The following CRIM1 variants were observed in gnomAD, a reference collection of about 807,000 sequenced individuals.
CRIM1 encodes the protein cysteine rich transmembrane BMP regulator 1, also known as cysteine-rich motor neuron 1 protein.
Under a neutral mutation model 116.4 loss-of-function variants are expected in CRIM1, and 32 were observed. The observed-to-expected ratio is 0.27, with a 90% CI of 0.21 to 0.37. The LOEUF (loss-of-function observed/expected upper bound fraction) is 0.37. Ranked by LOEUF, CRIM1 falls within the 10% of genes least tolerant of loss-of-function variation. CRIM1 has a pLI of 1.00. For synonymous variants in CRIM1, 590 were observed against 509.2 expected (o/e 1.16, Z -2.13); for missense variants, 1,331 against 1,354.8 (o/e 0.98, Z 0.28).
At chr2:36,507,807 G>C (rs909939497) in intron 8 of CRIM1, among the ~76,000 whole-genome samples, 12 of 152,180 alleles carry the variant, frequency 7.9e-5, no homozygotes, top group Non-Finnish European at 1.6e-4. Flanking sequence ...TCAAGATCAA[G>C]GTCTGTGGAA....
At chr2:36,369,719 T>C (rs1371201241) in intron 1 of CRIM1, among the ~76,000 whole-genome samples, 2 of 152,226 alleles carry the variant, frequency 1.3e-5, no homozygotes, top group African/African-American at 4.8e-5. Context: ...CAAGGATCTG[T>C]ACAAGATTGT....
intron 9 of CRIM1, among the ~76,000 whole-genome samples, chr2:36,510,615 G>A (rs892819751): frequency 7.9e-5 from 12 of 152,050 alleles, no homozygotes; most frequent in African/African-American, 2.4e-4. Context: ...ACTAGTCAGC[G>A]TTTCGTATTT....
chr2:36,406,004 G>A (rs530364071), intron 2 of CRIM1, among the ~76,000 whole-genome samples: 2 of 152,226 alleles, frequency 1.3e-5, no homozygotes, highest in Admixed American at 1.3e-4. Flanking sequence ...TTACAAATAT[G>A]TCTAAAACTT....
At chr2:36,397,950 CA>C (rs1235641215) in intron 2 of CRIM1, among the ~76,000 whole-genome samples, 55 of 152,142 alleles carry the variant, frequency 3.6e-4, no homozygotes, top group Non-Finnish European at 6.5e-4. Flanking sequence ...GTACTAATCA[CA>C]CCAAGTATTC....
intron 7 of CRIM1, among the ~76,000 whole-genome samples, chr2:36,486,034 T>G (rs962474889): frequency 2.0e-5 from 3 of 152,200 alleles, no homozygotes; most frequent in Non-Finnish European, 2.9e-5. Flanking sequence ...ACATCAGAAA[T>G]TTTTCAATGT....
intron 4 of CRIM1, among the ~76,000 whole-genome samples, chr2:36,450,789 C>A (rs1676653888): frequency 6.6e-6 from 1 of 152,198 alleles, no homozygotes; most frequent in African/African-American, 2.4e-5. Context: ...TAAATATTTG[C>A]ACCAAGCTGC....
chr2:36,489,729 G>C (rs780573917), intron 7 of CRIM1, among the ~76,000 whole-genome samples: 1 of 152,170 alleles, frequency 6.6e-6, no homozygotes, highest in African/African-American at 2.4e-5. Flanking sequence ...CACTGGCAAA[G>C]ATAAAAAGTA....
intron 2 of CRIM1, among the ~76,000 whole-genome samples, chr2:36,401,953 C>A (rs1208936433): frequency 6.6e-6 from 1 of 151,248 alleles, no homozygotes; most frequent in Non-Finnish European, 1.5e-5. Flanking sequence ...GGAACTCTAG[C>A]ATGGAGACAC....
At chr2:36,477,675 T>C (rs1243863070) in intron 6 of CRIM1, among the ~76,000 whole-genome samples, 1 of 152,246 alleles carries the variant, frequency 6.6e-6, no homozygotes, top group African/African-American at 2.4e-5. Flanking sequence ...CTGCTTTGTC[T>C]GGATTCCCCT....
intron 1 of CRIM1, among the ~76,000 whole-genome samples, chr2:36,380,244 T>A (rs1421381840): frequency 6.6e-6 from 1 of 152,218 alleles, no homozygotes; most frequent in African/African-American, 2.4e-5. Context: ...CACCTGTTGA[T>A]GCTACACAGT....
chr2:36,447,003 C>T (rs1383018645), intron 4 of CRIM1, among the ~76,000 whole-genome samples: 1 of 152,150 alleles, frequency 6.6e-6, no homozygotes, highest in Non-Finnish European at 1.5e-5. Flanking sequence ...AAGAAAAAAA[C>T]CAAGATAGTC....
chr2:36,386,676 G>T (rs1258584608), intron 1 of CRIM1, among the ~76,000 whole-genome samples: 1 of 152,238 alleles, frequency 6.6e-6, no homozygotes, highest in African/African-American at 2.4e-5. Context: ...AGAGTAAAAA[G>T]TAGATCGTTA....
intron 8 of CRIM1, among the ~76,000 whole-genome samples, chr2:36,503,307 G>A (rs1197117267): frequency 6.6e-6 from 1 of 152,160 alleles, no homozygotes; most frequent in East Asian, 1.9e-4. Flanking sequence ...ACTTCCACAT[G>A]GGTAATAAAG....
chr2:36,461,963 G>A (rs138372198), intron 4 of CRIM1, among the ~76,000 whole-genome samples: 113 of 152,206 alleles, frequency 7.4e-4, no homozygotes, highest in African/African-American at 1.7e-3. Flanking sequence ...CTAATTTCAC[G>A]TTCAGGGGAA....
chr2:36,368,922 C>T (rs1239926817), intron 1 of CRIM1, among the ~76,000 whole-genome samples: 1 of 152,156 alleles, frequency 6.6e-6, no homozygotes, highest in Non-Finnish European at 1.5e-5. Flanking sequence ...ATGGCTTGCT[C>T]TTTCTTTCCA....
chr2:36,511,044 C>T (rs1196386232), intron 9 of CRIM1, among the ~76,000 whole-genome samples: 1 of 151,880 alleles, frequency 6.6e-6, no homozygotes, highest in East Asian at 1.9e-4. Context: ...CCACCTCAGC[C>T]TCAGCCTCAG....
chr2:36,538,244 T>G (rs1666694277), intron 14 of CRIM1, among the ~76,000 whole-genome samples: 1 of 152,126 alleles, frequency 6.6e-6, no homozygotes. Flanking sequence ...TCTCCTAGTT[T>G]CCATGCCTGC....
chr2:36,496,903 T>A lies in CRIM1; in HGVS notation c.1373-2316T>A, dbSNP rs537568473. On this transcript the variant is annotated intron_variant, in intron 7 of 16. Coordinates refer to ENST00000280527, the MANE Select transcript of CRIM1 (RefSeq NM_016441.3). ...TCGCATGTTAATCTAATATATTTTT[T>A]AAAAAACAGCACATACATCACTATT... Among the ~76,000 whole-genome samples, 9 of 152,268 alleles carry A rather than the reference T, an allele frequency of 5.9e-5. No homozygotes were observed. The South Asian group carries it at 1.0e-3, about 18-fold the overall frequency.
intron 1 of CRIM1, among the ~76,000 whole-genome samples, chr2:36,364,544 A>G (rs73922891): frequency 0.018 from 2,682 of 152,286 alleles, 75 homozygotes; most frequent in African/African-American, 0.061. Context: ...AGTTTAGTGG[A>G]GGATGCAGCA....
Sources: allele counts gnomAD v4.1 joint callset (sites outside exome capture counted in the v4.1 genomes callset), GRCh38; gene constraint gnomAD v4.1.1; transcripts MANE v1.5; gene names NCBI Gene and HGNC (gene_info 2026-07-23, HGNC 2026-07-21).